Variants in CSMD2 observed in about 807,000 individuals in gnomAD.
CSMD2 encodes CUB and sushi domain-containing protein 2.
CSMD2 carries 130 observed loss-of-function variants against 398.5 expected under a neutral mutation model. The ratio of observed to expected loss-of-function variants is 0.33; its 90% CI spans 0.28 to 0.38. The LOEUF (loss-of-function observed/expected upper bound fraction) is 0.38, where lower values mean the gene tolerates loss of function less well. Ranked by LOEUF, CSMD2 falls within the 10% of genes least tolerant of loss-of-function variation. The pLI is 1.00. For missense variants in CSMD2, 3,829 were observed against 4,764.9 expected (o/e 0.80, Z 5.78); for synonymous variants, 1,828 against 1,908.5 (o/e 0.96, Z 1.10).
At chr1:33,587,223 C>T (rs144488878) in intron 44 of CSMD2, 55 bp from the exon 45 acceptor site, 12 of 1,267,490 alleles carry the variant, frequency 9.5e-6, no homozygotes, top group South Asian at 5.4e-5. Flanking sequence ...CCAGGTACAC[C>T]GTCATTCATT....
At chr1:33,741,618 T>A (rs1647071086) in intron 14 of CSMD2, among the ~76,000 whole-genome samples, 1 of 152,200 alleles carries the variant, frequency 6.6e-6, no homozygotes, top group Non-Finnish European at 1.5e-5. Flanking sequence ...GGATTTTGGG[T>A]AGTGGTTAAC....
At chr1:33,866,108 A>G (rs972613830) in intron 5 of CSMD2, among the ~76,000 whole-genome samples, 2 of 152,188 alleles carry the variant, frequency 1.3e-5, no homozygotes, top group African/African-American at 2.4e-5. Flanking sequence ...GCTGAACAGT[A>G]AAAATACATA....
At chr1:34,092,518 A>T (rs1272880515) in intron 1 of CSMD2, among the ~76,000 whole-genome samples, 7 of 151,902 alleles carry the variant, frequency 4.6e-5, no homozygotes, top group African/African-American at 1.7e-4. Flanking sequence ...CACTAGGGAG[A>T]GCCAGACAGT....
chr1:33,712,043 A>AGG (rs1646009707), intron 21 of CSMD2, among the ~76,000 whole-genome samples: 12 of 152,242 alleles, frequency 7.9e-5, no homozygotes, highest in Admixed American at 7.8e-4. Context: ...TAAATGTTCC[A>AGG]GAGAAACAAA....
At chr1:33,804,728 G>T (rs1185438069) in intron 10 of CSMD2, 1 of 717,350 alleles carries the variant, frequency 1.4e-6, no homozygotes, top group Admixed American at 2.0e-5. Flanking sequence ...GCAGTCCTTG[G>T]ATACACCTGT....
At chr1:33,934,209 A>C (rs1644397199) in intron 4 of CSMD2, among the ~76,000 whole-genome samples, 1 of 152,192 alleles carries the variant, frequency 6.6e-6, no homozygotes, top group Non-Finnish European at 1.5e-5. Context: ...TATTCCAATG[A>C]CTTCTCAACT....
At chr1:33,581,354 TAAAAAAAA>T (rs35599517) in intron 47 of CSMD2, among the ~76,000 whole-genome samples, 19 of 84,216 alleles carry the variant, frequency 2.3e-4, no homozygotes, top group African/African-American at 6.3e-4. Flanking sequence ...CCATCTTTAC[TAAAAAAAA>T]AAAAAAAAAA....
intron 22 of CSMD2, among the ~76,000 whole-genome samples, chr1:33,707,733 ACACACACAC>A (rs1300043223): frequency 3.3e-5 from 5 of 150,514 alleles, no homozygotes; most frequent in African/African-American, 7.4e-5. Flanking sequence ...ACACACACAC[ACACACACAC>A]ACCATACACC....
chr1:33,829,402 A>G (rs987786213), intron 6 of CSMD2, among the ~76,000 whole-genome samples: 2 of 151,880 alleles, frequency 1.3e-5, no homozygotes, highest in Admixed American at 6.6e-5. Context: ...TCCTTTTTTT[A>G]TTATTATACT....
At chr1:33,626,156 G>A (rs1027119871) in intron 33 of CSMD2, among the ~76,000 whole-genome samples, 4 of 152,186 alleles carry the variant, frequency 2.6e-5, no homozygotes, top group South Asian at 4.1e-4. Flanking sequence ...CAAGCTCCAG[G>A]GGAGTCCAGG....
At chr1:33,702,220 A>G (rs1645634427) in intron 22 of CSMD2, among the ~76,000 whole-genome samples, 1 of 152,218 alleles carries the variant, frequency 6.6e-6, no homozygotes, top group African/African-American at 2.4e-5. Context: ...TCAGACAATG[A>G]ATCTAATGTG....
intron 24 of CSMD2, among the ~76,000 whole-genome samples, chr1:33,698,243 TGC>T (rs1645487800): frequency 6.6e-6 from 1 of 152,254 alleles, no homozygotes; most frequent in East Asian, 1.9e-4. Flanking sequence ...AGTTCATTAT[TGC>T]ATTCTTTATC....
At chr1:33,583,582 G>A in intron 47 of CSMD2, 60 bp downstream of exon 47, 2 of 1,531,884 alleles carry the variant, frequency 1.3e-6, no homozygotes, top group Non-Finnish European at 1.8e-6. Flanking sequence ...GACTCCTCGG[G>A]TTCTGGAGCA....
intron 3 of CSMD2, among the ~76,000 whole-genome samples, chr1:33,988,691 G>A (rs1646443201): frequency 6.6e-6 from 1 of 151,828 alleles, no homozygotes. Context: ...ACATGTCACA[G>A]AAACTCAACA....
intron 22 of CSMD2, among the ~76,000 whole-genome samples, chr1:33,701,146 C>T (rs1645599638): frequency 6.6e-6 from 1 of 152,200 alleles, no homozygotes; most frequent in Non-Finnish European, 1.5e-5. Flanking sequence ...TGATCCCACC[C>T]CACTGTGGCA....
intron 3 of CSMD2, among the ~76,000 whole-genome samples, chr1:34,002,944 G>A (rs1339550097): frequency 1.3e-5 from 2 of 152,220 alleles, no homozygotes; most frequent in Non-Finnish European, 2.9e-5. Flanking sequence ...CAGTGGGCCA[G>A]GAGAGGAAGC....
intron 5 of CSMD2, among the ~76,000 whole-genome samples, chr1:33,906,525 G>A (rs141996509): frequency 3.3e-5 from 5 of 152,296 alleles, no homozygotes; most frequent in African/African-American, 1.2e-4. Flanking sequence ...CAGTATATTG[G>A]GAGAACTTAG....
chr1:33,555,921 T>C (rs1657920796), intron 55 of CSMD2, among the ~76,000 whole-genome samples: 1 of 152,000 alleles, frequency 6.6e-6, no homozygotes, highest in South Asian at 2.1e-4. Context: ...ATATACCTAT[T>C]AGTAATATCA....
intron 13 of CSMD2, among the ~76,000 whole-genome samples, chr1:33,765,007 T>C (rs1032927486): frequency 2.0e-5 from 3 of 152,230 alleles, no homozygotes; most frequent in Admixed American, 1.3e-4. Flanking sequence ...ACAAGCAATG[T>C]ATGCGAAGCA....
Sources: allele counts gnomAD v4.1 joint callset (sites outside exome capture counted in the v4.1 genomes callset), GRCh38; gene constraint gnomAD v4.1.1; transcripts MANE v1.5; gene names NCBI Gene and HGNC (gene_info 2026-07-23, HGNC 2026-07-21).